PCNT: variants seen among roughly 807,000 people sequenced by gnomAD.
PCNT encodes pericentrin.
A neutral mutation model predicts 380.4 loss-of-function variants in PCNT; 319 were observed. The observed-to-expected ratio is 0.84, with a 90% CI of 0.77 to 0.92. The LOEUF is 0.92. Ranked by LOEUF, PCNT falls within the 40% of genes least tolerant of loss-of-function variation. The probability of loss-of-function intolerance (pLI) is 0.00; values close to 1 mark genes in which losing one functional copy is unlikely to be tolerated. For synonymous variants in PCNT, 1,845 were observed against 1,735.2 expected (o/e 1.06, Z -1.57); for missense variants, 4,400 against 4,255.3 (o/e 1.03, Z -0.95).
rs535017128 is a variant in PCNT, at chr21:46,372,221, CAT to C, written c.3165+5083_3165+5084del. On this transcript the variant is annotated intron_variant, in intron 15 of 46. Coordinates refer to ENST00000359568, the MANE Select transcript of PCNT (RefSeq NM_006031.6). ...ACACAGAGAGCACATGCACACAGCA[CAT>C]GTGCACACACAGCACATGCACATAC... Among the ~76,000 whole-genome samples, 134 of 151,464 alleles carry C rather than the reference CAT, an allele frequency of 8.8e-4. No homozygotes were observed. In the East Asian group the frequency reaches 0.015, roughly 17 times the overall value.
intron 21 of PCNT, among the ~76,000 whole-genome samples, chr21:46,392,091 A>G (rs146787663): frequency 1.3e-5 from 2 of 151,790 alleles, no homozygotes; most frequent in African/African-American, 2.4e-5. Context: ...TATTATTATT[A>G]TTATTTTTTT....
chr21:46,395,965 G>A (rs1196544923), intron 21 of PCNT, among the ~76,000 whole-genome samples: 1 of 151,756 alleles, frequency 6.6e-6, no homozygotes, highest in African/African-American at 2.4e-5. Flanking sequence ...CTCAGCAGCA[G>A]GCACTCCATC....
rs993421072 is a variant in PCNT at position 46,388,102 on chromosome 21, C to T, written c.3465-640C>T. The stretch of plus-strand genomic sequence containing the variant: ...ACAGACGCCTGTAGTCCCAGCTACT[C>T]GGGAGGCTGAGGCAGGAGAAAGGCG... On this transcript the variant is annotated intron_variant, in intron 17 of 46. Coordinates refer to ENST00000359568, the MANE Select transcript of PCNT (RefSeq NM_006031.6). This position sits in a 1 kb window ranked among gnomAD's most constrained non-coding sequence, Gnocchi z 4.2. Among the ~76,000 whole-genome samples, 15 of 151,618 alleles carry T rather than the reference C, an allele frequency of 9.9e-5. No homozygotes were observed. The highest frequency in any genetic ancestry group is 1.8e-4 in the Non-Finnish European group (12 of 67,924).
Position 46,425,707 on chromosome 21 carries a change from C to G in PCNT, c.7180-124C>G. On this transcript the variant is annotated intron_variant, in intron 32 of 46. Transcript: ENST00000359568. The surrounding 1 kb of genome is among the most constrained non-coding windows in gnomAD (Gnocchi z 4.2). ...CGCCTGTACGAAGCCGAGGCGGTGCCCTCCCTCTCCACAGCTGCCCGCCCT... is the reference window on the plus strand; with the variant it reads ...CGCCTGTACGAAGCCGAGGCGGTGCGCTCCCTCTCCACAGCTGCCCGCCCT... 2.2e-6 allele frequency: 3 copies of G among 1,394,794 alleles called. No homozygotes were observed. The highest frequency in any genetic ancestry group is 3.0e-6 in the Non-Finnish European group (3 of 993,786). The allele number at this position is 1,394,794 out of a possible 1,614,324, so 86.4% of individuals were successfully genotyped here.
Position 46,346,758 on chromosome 21 carries a change from G to T in PCNT, c.736G>T (p.Glu246Ter). 6.3e-7 allele frequency: 1 copy of T among 1,598,004 alleles called. No individual in the cohort carries two copies. Among genetic ancestry groups the T allele is most frequent in the Non-Finnish European group, 8.5e-7 (1 of 1,173,572 alleles). Residue 246 changes from glutamate to a stop codon, truncating the protein, a stop_gained, in exon 5 of 47, where the codon GAG becomes TAG. Transcript: ENST00000359568. LOFTEE classifies it high-confidence loss of function. Reference sequence around the variant, plus strand: ...TCCGCCGCAGGCCGTGCATGGCCTTGAGCTGGAGGCGCTGCGCCTGAGTCT... The same window carrying T: ...TCCGCCGCAGGCCGTGCATGGCCTTTAGCTGGAGGCGCTGCGCCTGAGTCT... ...LHQSQAVHGL[E>*]LEALRLSLSN...
intron 20 of PCNT, 91 bp from the exon 21 acceptor site, chr21:46,391,073 A>G (rs566714635): frequency 1.5e-6 from 2 of 1,299,500 alleles, no homozygotes; most frequent in East Asian, 2.5e-5. Context: ...TGCTGCTCTC[A>G]GGGGCAGTGG....
chr21:46,427,757 T>C lies in PCNT; in HGVS notation c.7456T>C (p.Ser2486Pro), dbSNP rs1413495822. 6.2e-7 allele frequency: 1 copy of C among 1,613,686 alleles called. No individual in the cohort carries two copies. Among genetic ancestry groups the C allele is most frequent in the Non-Finnish European group, 8.5e-7 (1 of 1,180,020 alleles). The change falls in exon 34 of 47, where the codon TCC (serine) becomes CCC (proline). Residue 2486 changes from serine to proline, a missense_variant. Ser to Pro is a moderately conservative substitution (Grantham distance 74). Transcript: ENST00000359568. ...TGGCTCAGATCTGGGGGGTCACAGC[T>C]CCCTGCTCGAAAGGCTGGAGAAGAT... ...LSGSDLGGHS[S>P]LLERLEKIIR...
Position 46,437,099 on chromosome 21 carries a change from C to G in PCNT, c.9099+18C>G. ...CCTCCCAGGTAAGGGGTGAGCGCCC[C>G]CAGGTCCCTGGCCTGGCTCCTCCCC... On this transcript the variant is annotated intron_variant, in intron 40 of 46. Transcript: ENST00000359568. The G allele has an allele frequency of 6.3e-7, 1 of 1,581,984 alleles. No individual in the cohort carries two copies. Among genetic ancestry groups the G allele is most frequent in the Non-Finnish European group, 8.7e-7 (1 of 1,151,818 alleles).
chr21:46,437,376 C>A (rs2053490150), intron 40 of PCNT, among the ~76,000 whole-genome samples: 1 of 146,548 alleles, frequency 6.8e-6, no homozygotes, highest in Non-Finnish European at 1.5e-5. Flanking sequence ...CCATGGGATG[C>A]TGCGTGACTG....
chr21:46,335,049 A>G (rs1018416629), intron 3 of PCNT, among the ~76,000 whole-genome samples: 10 of 152,130 alleles, frequency 6.6e-5, no homozygotes. Context: ...TGTTTTTCCC[A>G]TGGGACATTG....
At chr21:46,418,077 T>G (rs1028745156) in intron 30 of PCNT, 127 bp from the exon 31 acceptor site, 1 of 677,402 alleles carries the variant, frequency 1.5e-6, no homozygotes, top group African/African-American at 1.8e-5. Flanking sequence ...TTCACCAGTT[T>G]TGAGTTGTTT....
Position 46,442,560 on chromosome 21 carries a change from A to G in PCNT, c.9687A>G (p.Lys3229=). Reference sequence around the variant, plus strand: ...GGAAAGGAGCTCTGGCACAAGGCAAAGCCCCTCGCCCAGGTGGGACTCCAG... The same window carrying G: ...GGAAAGGAGCTCTGGCACAAGGCAAGGCCCCTCGCCCAGGTGGGACTCCAG... ...VDRKGALAQG[K]APRPGPRARQ... The change falls in exon 44 of 47, where the codon AAA becomes AAG. Residue 3229 remains lysine, a synonymous_variant. Transcript: ENST00000359568. The G allele has an allele frequency of 6.2e-7, 1 of 1,609,324 alleles. No individual in the cohort carries two copies. The highest frequency in any genetic ancestry group is 8.5e-7 in the Non-Finnish European group (1 of 1,175,712).
In PCNT at chr21:46,412,953, G is replaced by A. The variant is rs1010254011; in HGVS notation, c.6111G>A (p.Val2037=). The change falls in exon 29 of 47, where the codon GTG becomes GTA. Residue 2037 remains valine, a synonymous_variant. Coordinates refer to ENST00000359568, the MANE Select transcript of PCNT (RefSeq NM_006031.6). ...AGCTGCAGTCGGAGCTGCTCTTGGT[G>A]AAAAATGAAATGCGCCTGAGTCTGG... is the stretch of plus-strand genomic sequence containing the variant. ...QRQLQSELLL[V]KNEMRLSLED... 2 of 1,611,222 alleles carry A rather than the reference G, an allele frequency of 1.2e-6. No homozygotes were observed. The highest frequency in any genetic ancestry group is 1.6e-4 in the Middle Eastern group (1 of 6,084).
rs545442434 is a variant in PCNT at position 46,346,584 on chromosome 21, T to C, written c.721-159T>C. On this transcript the variant is annotated intron_variant, in intron 4 of 46. Transcript: ENST00000359568. ...GCAGAGGAGCTGGGTGGCATCTCAG[T>C]GGCATCCGGGCCTCTGTGTCCTGCC... 20 of 877,316 alleles carry C rather than the reference T, an allele frequency of 2.3e-5. No homozygotes were observed. In the South Asian group the frequency reaches 3.1e-4, roughly 14 times the overall value. 54.3% of individuals were successfully genotyped at this position (877,316 alleles called of 1,614,324 possible).
Position 46,427,605 on chromosome 21 carries a change from CT to C in PCNT, c.7321-15del. 1 of 1,613,830 alleles carries C rather than the reference CT, an allele frequency of 6.2e-7. No homozygotes were observed. Among genetic ancestry groups the C allele is most frequent in the Non-Finnish European group, 8.5e-7 (1 of 1,179,996 alleles). On this transcript the variant is annotated splice_polypyrimidine_tract_variant and intron_variant, in intron 33 of 46. Transcript: ENST00000359568. ...GTGCATTTGTGAGGACGCCACGTTTCTTCCTTCTTCCTTTAGGAAGTGCCCA... is the reference window on the plus strand; with the variant it reads ...GTGCATTTGTGAGGACGCCACGTTTCTCCTTCTTCCTTTAGGAAGTGCCCA...
chr21:46,353,737 TGTGTGTGTGTGTGTGAGA>T (rs1412355423), intron 10 of PCNT, among the ~76,000 whole-genome samples: 2 of 137,494 alleles, frequency 1.5e-5, no homozygotes, highest in East Asian at 4.0e-4. Flanking sequence ...TGTGTGTGTG[TGTGTGTGTGTGTGTGAGA>T]GAGACAGAGA....
chr21:46,345,725 G>C (rs921182256), intron 3 of PCNT, among the ~76,000 whole-genome samples: 3 of 152,180 alleles, frequency 2.0e-5, no homozygotes, highest in Admixed American at 6.5e-5. Context: ...CCCGGTGCTC[G>C]CGGCAGCCAC....
At chr21:46,439,682 T>A (rs2053556689) in intron 41 of PCNT, among the ~76,000 whole-genome samples, 1 of 152,236 alleles carries the variant, frequency 6.6e-6, no homozygotes, top group Non-Finnish European at 1.5e-5. Flanking sequence ...TCCATGGATG[T>A]GGAACCCACA....
chr21:46,325,217 G>A (rs2083336403), intron 1 of PCNT: 1 of 984,556 alleles, frequency 1.0e-6, no homozygotes, highest in South Asian at 4.7e-5. Flanking sequence ...CGAGGTGCGC[G>A]CCGCTCCCCC....
Sources: gnomAD v4.1 joint callset for allele counts (sites outside exome capture counted in the v4.1 genomes callset) on GRCh38, gnomAD v4.1.1 for gene constraint, Gnocchi (gnomAD v3.1) non-coding constraint, MANE v1.5 for transcripts, NCBI Gene and HGNC (gene_info 2026-07-23, HGNC 2026-07-21) for gene names.